Variants in EXOC4 observed in about 807,000 individuals in gnomAD.
EXOC4 encodes the protein exocyst complex component 4.
In EXOC4, 71 loss-of-function variants were observed where a neutral mutation model predicts 107.2. The ratio of observed to expected loss-of-function variants is 0.66; its 90% CI spans 0.55 to 0.81. The LOEUF is 0.81. Ranked by LOEUF, EXOC4 falls within the 30% of genes least tolerant of loss-of-function variation. The pLI is 0.00. For missense variants in EXOC4, 1,108 were observed against 1,189.6 expected (o/e 0.93, Z 1.01); for synonymous variants, 456 against 441.2 (o/e 1.03, Z -0.42).
rs1034347817 is a variant in EXOC4 at position 133,591,547 on chromosome 7, GGTGTGTGTGTGTGTGTGTGTGCGTGTGT to G, written c.1418-38477_1418-38450del. Among the ~76,000 whole-genome samples the G allele has an allele frequency of 1.4e-4, 8 of 59,238 alleles. No individual in the cohort carries two copies. The South Asian group carries it at 4.7e-3, about 35-fold the overall frequency. The allele number at this position is 59,238 out of a possible 152,430, so 38.9% of individuals were successfully genotyped here. A position where few individuals can be genotyped will look rare whatever the true frequency, so the allele number is the denominator to read the frequency against. Reference sequence around the variant, plus strand: ...TTTTCTGTGAACTTTTTAAAGATCTGGTGTGTGTGTGTGTGTGTGTGCGTGTGTGTGTGTGTGTGTGTGTGTGTATTTT... The same window carrying G: ...TTTTCTGTGAACTTTTTAAAGATCTGGTGTGTGTGTGTGTGTGTGTATTTT... On this transcript the variant is annotated intron_variant, in intron 9 of 17. Coordinates refer to ENST00000253861, the MANE Select transcript of EXOC4 (RefSeq NM_021807.4).
chr7:134,056,616 T>G (rs1286750088), intron 17 of EXOC4, among the ~76,000 whole-genome samples: 1 of 152,234 alleles, frequency 6.6e-6, no homozygotes, highest in Non-Finnish European at 1.5e-5. Context: ...AGACACAGTT[T>G]TAATTGTACT....
intron 15 of EXOC4, among the ~76,000 whole-genome samples, chr7:134,001,459 A>G (rs1485548611): frequency 8.8e-6 from 1 of 113,302 alleles, no homozygotes; most frequent in African/African-American, 3.8e-5. Context: ...TTCGCTGATG[A>G]CTATTTTAAT....
chr7:133,954,819 C>T (rs909774688), intron 14 of EXOC4, among the ~76,000 whole-genome samples: 2 of 152,254 alleles, frequency 1.3e-5, no homozygotes, highest in African/African-American at 4.8e-5. Flanking sequence ...AGCCACTGCT[C>T]ACAGCCAGAT....
chr7:133,377,089 C>T (rs377430568), intron 7 of EXOC4, among the ~76,000 whole-genome samples: 11 of 152,224 alleles, frequency 7.2e-5, no homozygotes, highest in South Asian at 2.1e-4. Context: ...TGGTGGCTCA[C>T]GCCTGTAATC....
At chr7:133,563,710 A>AT (rs1351063175) in intron 9 of EXOC4, among the ~76,000 whole-genome samples, 3 of 152,194 alleles carry the variant, frequency 2.0e-5, no homozygotes, top group Non-Finnish European at 4.4e-5. Context: ...AGTGGGGAAA[A>AT]TTTAGATACA....
intron 2 of EXOC4, among the ~76,000 whole-genome samples, chr7:133,285,129 GT>G (rs980368987): frequency 5.3e-5 from 8 of 151,990 alleles, no homozygotes; most frequent in African/African-American, 1.9e-4. Flanking sequence ...TTGTATTCTA[GT>G]TTTGGTTAAA....
chr7:133,879,658 T>C (rs111304881), intron 11 of EXOC4, among the ~76,000 whole-genome samples: 6 of 152,334 alleles, frequency 3.9e-5, no homozygotes, highest in African/African-American at 1.4e-4. Flanking sequence ...ATTTATTCTT[T>C]CTGATGTGCT....
chr7:133,553,470 G>A (rs141605639), intron 9 of EXOC4, among the ~76,000 whole-genome samples: 39 of 152,106 alleles, frequency 2.6e-4, no homozygotes, highest in African/African-American at 8.9e-4. Context: ...TCCTTCCTCC[G>A]ATTTCATTCC....
Position 133,472,569 on chromosome 7 carries a change from A to G in EXOC4, c.1183-2759A>G, listed in dbSNP as rs563922610. Among the ~76,000 whole-genome samples the G allele has an allele frequency of 9.2e-5, 14 of 152,338 alleles. 1 individual carries two copies. The South Asian group carries it at 2.9e-3, about 32-fold the overall frequency. ...TTTTCTTAGTGAAATATGTGAATAT[A>G]TATCAAGCATGCAGTCACAGATGTG... On this transcript the variant is annotated intron_variant, in intron 7 of 17. Coordinates refer to ENST00000253861, the MANE Select transcript of EXOC4 (RefSeq NM_021807.4).
intron 11 of EXOC4, among the ~76,000 whole-genome samples, chr7:133,862,562 A>G (rs751772240): frequency 2.0e-5 from 3 of 152,152 alleles, no homozygotes; most frequent in Non-Finnish European, 4.4e-5. Flanking sequence ...TGATTGATTG[A>G]TTGACTGACT....
chr7:133,607,106 G>A (rs1794277929), intron 9 of EXOC4, among the ~76,000 whole-genome samples: 1 of 152,204 alleles, frequency 6.6e-6, no homozygotes, highest in Non-Finnish European at 1.5e-5. Flanking sequence ...GTTTACAATA[G>A]TGAGGATATG....
At chr7:133,883,967 A>G (rs1799023017) in intron 11 of EXOC4, among the ~76,000 whole-genome samples, 1 of 152,222 alleles carries the variant, frequency 6.6e-6, no homozygotes, top group Non-Finnish European at 1.5e-5. Flanking sequence ...TTTCATAGTT[A>G]TTATCATTGT....
chr7:133,640,283 A>C (rs1427991634), intron 10 of EXOC4, among the ~76,000 whole-genome samples: 2 of 152,152 alleles, frequency 1.3e-5, no homozygotes, highest in African/African-American at 4.8e-5. Context: ...ACTTCATATA[A>C]ATGGAATCAT....
At chr7:133,898,387 C>G (rs905784480) in intron 12 of EXOC4, among the ~76,000 whole-genome samples, 1 of 151,952 alleles carries the variant, frequency 6.6e-6, no homozygotes, top group Non-Finnish European at 1.5e-5. Flanking sequence ...TTTACAAAAC[C>G]AGATTCCAAA....
intron 10 of EXOC4, among the ~76,000 whole-genome samples, chr7:133,809,603 A>G (rs895328465): frequency 1.3e-5 from 2 of 152,238 alleles, no homozygotes; most frequent in Non-Finnish European, 2.9e-5. Flanking sequence ...GAAGTCATAA[A>G]GGATAAATCA....
At chr7:133,877,240 A>G (rs1798869238) in intron 11 of EXOC4, among the ~76,000 whole-genome samples, 1 of 152,060 alleles carries the variant, frequency 6.6e-6, no homozygotes, top group South Asian at 2.1e-4. Flanking sequence ...CTTGTCTATT[A>G]TCTGTGTCAT....
intron 10 of EXOC4, among the ~76,000 whole-genome samples, chr7:133,638,124 T>A (rs1802758285): frequency 1.3e-5 from 2 of 152,104 alleles, no homozygotes; most frequent in South Asian, 2.1e-4. Context: ...AGAAATCACT[T>A]AAAGAGATAG....
chr7:133,386,446 C>G (rs1261728788), intron 7 of EXOC4, among the ~76,000 whole-genome samples: 1 of 152,144 alleles, frequency 6.6e-6, no homozygotes, highest in Non-Finnish European at 1.5e-5. Context: ...GCACAAAGAG[C>G]TCTCTGGCAG....
At chr7:133,516,758 A>ATTTCTTTTTTTTTTTTT (rs1799883228) in intron 9 of EXOC4, among the ~76,000 whole-genome samples, 1 of 49,032 alleles carries the variant, frequency 2.0e-5, no homozygotes, top group South Asian at 1.1e-3. Context: ...CTAGCTGCTC[A>ATTTCTTTTTTTTTTTTT]TTTTTTTTTT....
Sources: gnomAD v4.1 joint callset for allele counts (sites outside exome capture counted in the v4.1 genomes callset) on GRCh38, gnomAD v4.1.1 for gene constraint, MANE v1.5 for transcripts, NCBI Gene and HGNC (gene_info 2026-07-23, HGNC 2026-07-21) for gene names.